DDR2: variants seen among roughly 807,000 people sequenced by gnomAD.
DDR2 encodes discoidin domain receptor tyrosine kinase 2, also known as discoidin domain-containing receptor 2.
Under a neutral mutation model 94.9 loss-of-function variants are expected in DDR2, and 27 were observed. That is an observed-to-expected ratio of 0.28 (90% CI 0.21 to 0.39). The LOEUF (loss-of-function observed/expected upper bound fraction) is 0.39. DDR2 is among the 10% of genes least tolerant of loss of function. The pLI, the probability that DDR2 is intolerant of heterozygous loss-of-function variation, is 1.00. For missense variants in DDR2, 783 were observed against 1,076.0 expected, an observed-to-expected ratio of 0.73 and a Z score of 3.81; for synonymous variants, 382 against 377.2, an observed-to-expected ratio of 1.01 and a Z score of -0.15.
rs12087467 is a variant in DDR2, at chr1:162,713,281, G to A, written c.-27-5756G>A. 5.4e-3 allele frequency among the ~76,000 whole-genome samples: 816 copies of A among 152,196 alleles called. 9 individuals carry two copies. Among genetic ancestry groups the A allele is most frequent in the African/African-American group, 0.018 (767 of 41,542 alleles). Reference sequence around the variant, plus strand: ...TGTTCCCCCCACACCTCCAACTCTCGGAAATGCACAGAAAGTGTCCTTGAG... The same window carrying A: ...TGTTCCCCCCACACCTCCAACTCTCAGAAATGCACAGAAAGTGTCCTTGAG... On this transcript the variant is annotated intron_variant, in intron 2 of 17. Transcript: ENST00000367921.
chr1:162,676,093 G>A (rs1659108650), intron 2 of DDR2, among the ~76,000 whole-genome samples: 1 of 151,812 alleles, frequency 6.6e-6, no homozygotes, highest in African/African-American at 2.4e-5. Flanking sequence ...GATTTGAAGT[G>A]TGTGTGTGTG....
chr1:162,693,979 G>C (rs964635707), intron 2 of DDR2, among the ~76,000 whole-genome samples: 1 of 152,076 alleles, frequency 6.6e-6, no homozygotes, highest in Admixed American at 6.6e-5. Context: ...AGGCTCAAGC[G>C]CTTCTTCTGC....
In DDR2 at chr1:162,758,564, T is replaced by C. The variant is rs144792048; in HGVS notation, c.672-1232T>C. Reference sequence around the variant, plus strand: ...ATATTTATTGCAAGTAAACTTACGTTCTCCTAGCTTTCTGATCTGTAGAGA... The same window carrying C: ...ATATTTATTGCAAGTAAACTTACGTCCTCCTAGCTTTCTGATCTGTAGAGA... On this transcript the variant is annotated intron_variant, in intron 7 of 17. Transcript: ENST00000367921. 4.6e-5 allele frequency among the ~76,000 whole-genome samples: 7 copies of C among 152,296 alleles called. No individual in the cohort carries two copies. The East Asian group carries it at 1.3e-3, about 29-fold the overall frequency.
intron 11 of DDR2, among the ~76,000 whole-genome samples, chr1:162,768,439 C>T (rs1331956801): frequency 1.3e-5 from 2 of 152,128 alleles, no homozygotes; most frequent in Non-Finnish European, 2.9e-5. Context: ...CTCCTGAGGG[C>T]AGGGAATAGG....
chr1:162,695,085 A>AT (rs1209812323), intron 2 of DDR2, among the ~76,000 whole-genome samples: 2 of 152,178 alleles, frequency 1.3e-5, no homozygotes, highest in Non-Finnish European at 2.9e-5. Flanking sequence ...TAAAAAAAAA[A>AT]TTTTGAATTC....
chr1:162,740,517 G>T (rs913948117), intron 3 of DDR2, among the ~76,000 whole-genome samples: 1 of 152,144 alleles, frequency 6.6e-6, no homozygotes, highest in East Asian at 1.9e-4. Context: ...CCTGGTTGCT[G>T]TCTTCCTTCA....
chr1:162,652,967 G>T (rs1173156619), intron 1 of DDR2, among the ~76,000 whole-genome samples: 4 of 152,014 alleles, frequency 2.6e-5, no homozygotes, highest in Non-Finnish European at 5.9e-5. Context: ...TTAGCTGGGC[G>T]TGGTGGCACA....
intron 3 of DDR2, among the ~76,000 whole-genome samples, chr1:162,729,294 A>ATTTTTT (rs1455925320): frequency 1.0e-4 from 3 of 30,030 alleles, no homozygotes; most frequent in African/African-American, 2.0e-4. Context: ...ATATATATAT[A>ATTTTTT]TATATATTTT....
At chr1:162,761,560 A>G in intron 9 of DDR2, 106 bp downstream of exon 9, 1 of 1,557,622 alleles carries the variant, frequency 6.4e-7, no homozygotes, top group South Asian at 1.1e-5. Flanking sequence ...GTGGGATTGT[A>G]CAGGCAGCTT....
intron 2 of DDR2, among the ~76,000 whole-genome samples, chr1:162,710,047 T>C (rs1243790896): frequency 6.6e-6 from 1 of 152,236 alleles, no homozygotes; most frequent in Admixed American, 6.5e-5. Context: ...GTCAATGTTC[T>C]GTGACTCCAT....
chr1:162,664,733 A>G (rs1288263879), intron 2 of DDR2, among the ~76,000 whole-genome samples: 1 of 152,226 alleles, frequency 6.6e-6, no homozygotes, highest in Non-Finnish European at 1.5e-5. Flanking sequence ...TATGCAATTG[A>G]AAAGTCATAA....
chr1:162,778,836 C>A lies in DDR2; in HGVS notation c.2433+107C>A, dbSNP rs141081508. 892 of 1,418,990 alleles carry A rather than the reference C, an allele frequency of 6.3e-4. 2 individuals carry two copies. In the African/African-American group the frequency reaches 0.01, roughly 17 times the overall value. The allele number at this position is 1,418,990 out of a possible 1,614,324, so 87.9% of individuals were successfully genotyped here. A position where few individuals can be genotyped will look rare whatever the true frequency, so the allele number is the denominator to read the frequency against. On this transcript the variant is annotated intron_variant, in intron 17 of 17. Coordinates refer to ENST00000367921, the MANE Select transcript of DDR2 (RefSeq NM_006182.4). ...GGGCCGAGATGGAAGACAGACTATC[C>A]AGGTGTTAGTCTTTGTCACTAACTA...
At chr1:162,771,938 T>A in intron 12 of DDR2, 86 bp from the exon 13 acceptor site, 2 of 1,421,288 alleles carry the variant, frequency 1.4e-6, no homozygotes, top group Non-Finnish European at 1.9e-6. Context: ...CAGGGGCATG[T>A]TTTAGCCCTC....
At chr1:162,664,616 A>C (rs1658456480) in intron 2 of DDR2, among the ~76,000 whole-genome samples, 1 of 152,222 alleles carries the variant, frequency 6.6e-6, no homozygotes, top group African/African-American at 2.4e-5. Flanking sequence ...AAAGATATAC[A>C]ATCAATGATG....
At chr1:162,725,313 AC>A (rs2102044080) in intron 3 of DDR2, among the ~76,000 whole-genome samples, 1 of 152,138 alleles carries the variant, frequency 6.6e-6, no homozygotes, top group South Asian at 2.1e-4. Context: ...CTTTTCTTCT[AC>A]TTCTTTTTTC....
At chr1:162,756,618 G>A (rs1056779960) in intron 7 of DDR2, among the ~76,000 whole-genome samples, 3 of 152,186 alleles carry the variant, frequency 2.0e-5, no homozygotes, top group African/African-American at 4.8e-5. Context: ...GGTTGACAGG[G>A]CTCGAGAGAA....
At chr1:162,655,602 C>G (rs1303713705) in intron 2 of DDR2, among the ~76,000 whole-genome samples, 1 of 152,058 alleles carries the variant, frequency 6.6e-6, no homozygotes, top group Non-Finnish European at 1.5e-5. Flanking sequence ...TGGTTGTGAC[C>G]AGCCCTAGAT....
chr1:162,772,283 A>C, intron 13 of DDR2, 36 bp downstream of exon 13: 2 of 1,605,538 alleles, frequency 1.2e-6, no homozygotes, highest in Non-Finnish European at 1.7e-6. Flanking sequence ...TAGCTCGAAG[A>C]AGGTGGTTGG....
chr1:162,770,070 T>C (rs1664189464), intron 11 of DDR2, among the ~76,000 whole-genome samples: 1 of 152,044 alleles, frequency 6.6e-6, no homozygotes, highest in Non-Finnish European at 1.5e-5. Context: ...AGAAAGCACA[T>C]CATAGAAATT....
Sources: allele counts gnomAD v4.1 joint callset (sites outside exome capture counted in the v4.1 genomes callset), GRCh38; gene constraint gnomAD v4.1.1; transcripts MANE v1.5; gene names NCBI Gene and HGNC (gene_info 2026-07-23, HGNC 2026-07-21).